The following GRM7 variants were observed in gnomAD, a reference collection of about 807,000 sequenced individuals.
The protein encoded by GRM7 is glutamate metabotropic receptor 7, also known as metabotropic glutamate receptor 7.
Under a neutral mutation model 84.5 loss-of-function variants are expected in GRM7, and 35 were observed. That is an observed-to-expected ratio of 0.41 (90% CI 0.32 to 0.55). GRM7 has a LOEUF of 0.55. GRM7 is among the 20% of genes least tolerant of loss of function. The pLI is 0.19. For missense variants in GRM7, 1,003 were observed against 1,194.6 expected (o/e 0.84, Z 2.36); for synonymous variants, 487 against 455.1 (o/e 1.07, Z -0.89).
At chr3:7,153,407 C>T (rs1347277209) in intron 2 of GRM7, among the ~76,000 whole-genome samples, 1 of 152,012 alleles carries the variant, frequency 6.6e-6, no homozygotes, top group Admixed American at 6.6e-5. Context: ...AATCATCTGC[C>T]TAGTTATCCT....
At chr3:7,610,417 C>G (rs1355331075) in intron 8 of GRM7, among the ~76,000 whole-genome samples, 2 of 152,186 alleles carry the variant, frequency 1.3e-5, no homozygotes, top group African/African-American at 4.8e-5. Flanking sequence ...TAATTAATTA[C>G]TCTTTCGATG....
At chr3:7,006,091 C>T (rs959955966) in intron 1 of GRM7, among the ~76,000 whole-genome samples, 1 of 152,180 alleles carries the variant, frequency 6.6e-6, no homozygotes, top group African/African-American at 2.4e-5. Flanking sequence ...ACCTTCCCCC[C>T]TCCTGGCTCT....
chr3:7,097,024 G>A (rs560999004), intron 1 of GRM7, among the ~76,000 whole-genome samples: 1 of 152,246 alleles, frequency 6.6e-6, no homozygotes, highest in South Asian at 2.1e-4. Context: ...AACACAAAAT[G>A]CCTAAATATG....
intron 1 of GRM7, among the ~76,000 whole-genome samples, chr3:7,026,168 A>G (rs1182995148): frequency 6.6e-6 from 1 of 152,148 alleles, no homozygotes; most frequent in African/African-American, 2.4e-5. Flanking sequence ...TGGTTTTGGA[A>G]CCATGACTCA....
At chr3:7,679,454 T>C (rs3804841) in intron 8 of GRM7, among the ~76,000 whole-genome samples, 1 of 151,576 alleles carries the variant, frequency 6.6e-6, no homozygotes, top group East Asian at 2.1e-4. Context: ...CAAGCCAACA[T>C]CACTAGATCT....
intron 4 of GRM7, among the ~76,000 whole-genome samples, chr3:7,406,352 T>G (rs903009314): frequency 6.6e-6 from 1 of 151,750 alleles, no homozygotes; most frequent in African/African-American, 2.4e-5. Flanking sequence ...TACAAAAAAT[T>G]AGCCAGGCAT....
At chr3:7,003,097 T>C (rs530381650) in intron 1 of GRM7, among the ~76,000 whole-genome samples, 15 of 152,122 alleles carry the variant, frequency 9.9e-5, no homozygotes, top group African/African-American at 3.4e-4. Flanking sequence ...TGAGGGGAAG[T>C]GGGATGGGGA....
chr3:7,286,598 C>T (rs1210558340), intron 2 of GRM7, among the ~76,000 whole-genome samples: 2 of 152,010 alleles, frequency 1.3e-5, no homozygotes, highest in Non-Finnish European at 2.9e-5. Flanking sequence ...ATGTCTTATC[C>T]TCCCTTATTC....
intron 7 of GRM7, among the ~76,000 whole-genome samples, chr3:7,510,168 G>A (rs1700157039): frequency 6.6e-6 from 1 of 152,030 alleles, no homozygotes. Flanking sequence ...TTATTTCAGA[G>A]CCAAACTTCT....
chr3:7,472,120 C>T (rs1464850951), intron 7 of GRM7, among the ~76,000 whole-genome samples: 8 of 152,176 alleles, frequency 5.3e-5, no homozygotes, highest in Admixed American at 5.2e-4. Flanking sequence ...CTCTTGCTTC[C>T]TCTCTCACTG....
intron 9 of GRM7, among the ~76,000 whole-genome samples, chr3:7,695,000 G>A (rs1051844247): frequency 1.3e-5 from 2 of 152,156 alleles, no homozygotes; most frequent in African/African-American, 4.8e-5. Flanking sequence ...AGAAACACAT[G>A]CAATACGGCA....
chr3:6,961,504 C>T (rs1389838845), intron 1 of GRM7, among the ~76,000 whole-genome samples: 1 of 152,126 alleles, frequency 6.6e-6, no homozygotes, highest in African/African-American at 2.4e-5. Context: ...ACTGGTCATT[C>T]CTGAGTGTCT....
chr3:6,999,048 C>T (rs1694923076), intron 1 of GRM7, among the ~76,000 whole-genome samples: 1 of 152,144 alleles, frequency 6.6e-6, no homozygotes, highest in Admixed American at 6.5e-5. Context: ...GTTTTCTTTT[C>T]TATTGCATTG....
At chr3:7,449,085 C>T (rs1162816410) in intron 5 of GRM7, among the ~76,000 whole-genome samples, 1 of 152,024 alleles carries the variant, frequency 6.6e-6, no homozygotes, top group Non-Finnish European at 1.5e-5. Context: ...TGGGTTCACT[C>T]TAAAGTTCTT....
chr3:7,553,452 C>T (rs1575486657), intron 7 of GRM7, among the ~76,000 whole-genome samples: 1 of 152,296 alleles, frequency 6.6e-6, no homozygotes, highest in Middle Eastern at 3.4e-3. Context: ...CACCCCATTC[C>T]TGGTACCAAT....
At chr3:7,592,706 A>G (rs1228161473) in intron 8 of GRM7, among the ~76,000 whole-genome samples, 3 of 152,208 alleles carry the variant, frequency 2.0e-5, no homozygotes. Flanking sequence ...TGACCAGTAA[A>G]GATTACACAT....
At chr3:6,934,269 C>T (rs1697608702) in intron 1 of GRM7, among the ~76,000 whole-genome samples, 1 of 152,096 alleles carries the variant, frequency 6.6e-6, no homozygotes, top group Admixed American at 6.5e-5. Context: ...AATCTGTTTA[C>T]TAGGAGACAC....
intron 4 of GRM7, among the ~76,000 whole-genome samples, chr3:7,312,206 C>T (rs761767379): frequency 6.6e-6 from 1 of 152,108 alleles, no homozygotes; most frequent in Non-Finnish European, 1.5e-5. Context: ...ATGAGCGATG[C>T]CCTGTCCCTT....
intron 9 of GRM7, among the ~76,000 whole-genome samples, chr3:7,707,497 G>A (rs754698389): frequency 2.0e-5 from 3 of 152,114 alleles, no homozygotes; most frequent in Middle Eastern, 3.2e-3. Context: ...CATGGAGGCC[G>A]CCACTTGAAT....
Sources: allele counts gnomAD v4.1 joint callset (sites outside exome capture counted in the v4.1 genomes callset), GRCh38; gene constraint gnomAD v4.1.1; transcripts MANE v1.5; gene names NCBI Gene and HGNC (gene_info 2026-07-23, HGNC 2026-07-21).